The following FRMD4A variants were observed in gnomAD, a reference collection of about 807,000 sequenced individuals.
The protein encoded by FRMD4A is FERM domain containing 4A.
A neutral mutation model predicts 129.1 loss-of-function variants in FRMD4A; 29 were observed. That is an observed-to-expected ratio of 0.22 (90% CI 0.17 to 0.31). FRMD4A has a LOEUF of 0.31. Ranked by LOEUF, FRMD4A falls within the 10% of genes least tolerant of loss-of-function variation. The pLI is 1.00. For synonymous variants in FRMD4A, 634 were observed against 571.6 expected (o/e 1.11, Z -1.56); for missense variants, 1,272 against 1,375.8 (o/e 0.92, Z 1.19).
At chr10:13,674,327 A>G (rs551172562) in intron 16 of FRMD4A, among the ~76,000 whole-genome samples, 10 of 152,246 alleles carry the variant, frequency 6.6e-5, no homozygotes, top group African/African-American at 2.2e-4. Flanking sequence ...ATGAGGCACT[A>G]TCACGTGAGG....
At chr10:13,683,712 G>GTTT (rs5783340) in intron 15 of FRMD4A, among the ~76,000 whole-genome samples, 3 of 147,802 alleles carry the variant, frequency 2.0e-5, no homozygotes, top group Non-Finnish European at 1.5e-5. Context: ...GTCACATCCA[G>GTTT]TTTTTTTTTT....
intron 20 of FRMD4A, 58 bp downstream of exon 20, chr10:13,660,258 T>A: frequency 1.8e-6 from 2 of 1,115,466 alleles, no homozygotes; most frequent in Non-Finnish European, 2.7e-6. Context: ...GACGGCCCTT[T>A]GATTCTTCCA....
chr10:14,189,115 C>A (rs1200277698), intron 2 of FRMD4A, among the ~76,000 whole-genome samples: 1 of 152,152 alleles, frequency 6.6e-6, no homozygotes, highest in Non-Finnish European at 1.5e-5. Flanking sequence ...GTATGGTGTC[C>A]TATAGACAGT....
chr10:14,043,924 T>C (rs2131677638), intron 2 of FRMD4A, among the ~76,000 whole-genome samples: 1 of 152,314 alleles, frequency 6.6e-6, no homozygotes, highest in East Asian at 1.9e-4. Context: ...ACTGTGGGAC[T>C]CAAGCATTCT....
intron 2 of FRMD4A, among the ~76,000 whole-genome samples, chr10:13,898,416 A>C (rs2094782461): frequency 6.6e-6 from 1 of 152,170 alleles, no homozygotes; most frequent in Non-Finnish European, 1.5e-5. Flanking sequence ...CCCTGTTTAG[A>C]GGTCCAAGGT....
intron 2 of FRMD4A, among the ~76,000 whole-genome samples, chr10:13,876,302 A>G (rs1226998413): frequency 6.6e-6 from 1 of 152,226 alleles, no homozygotes; most frequent in Admixed American, 6.5e-5. Context: ...TTGGTACAAT[A>G]TTACATGTGG....
chr10:13,963,917 C>T (rs556637771), intron 2 of FRMD4A, among the ~76,000 whole-genome samples: 1 of 152,244 alleles, frequency 6.6e-6, no homozygotes, highest in Admixed American at 6.5e-5. Context: ...ATTCCTAACA[C>T]ATGGATGTTC....
chr10:13,760,068 CA>C (rs2092010539), intron 8 of FRMD4A, among the ~76,000 whole-genome samples: 1 of 152,018 alleles, frequency 6.6e-6, no homozygotes, highest in South Asian at 2.1e-4. Flanking sequence ...TTTTGTGATA[CA>C]TGAACATTTA....
At chr10:13,984,460 A>G (rs2095573986) in intron 2 of FRMD4A, among the ~76,000 whole-genome samples, 1 of 152,224 alleles carries the variant, frequency 6.6e-6, no homozygotes, top group Non-Finnish European at 1.5e-5. Context: ...GTATATTCAC[A>G]GCGTTGTGCA....
intron 2 of FRMD4A, among the ~76,000 whole-genome samples, chr10:14,260,465 G>C (rs1170236212): frequency 6.6e-6 from 1 of 152,168 alleles, no homozygotes; most frequent in Non-Finnish European, 1.5e-5. Flanking sequence ...CGGGCTCAGG[G>C]TTCACACACA....
intron 2 of FRMD4A, among the ~76,000 whole-genome samples, chr10:13,884,754 T>G (rs2094598496): frequency 6.6e-6 from 1 of 152,230 alleles, no homozygotes; most frequent in Non-Finnish European, 1.5e-5. Flanking sequence ...TCCTGCCACC[T>G]GCCATCTTCA....
chr10:13,972,187 G>A, intron 2 of FRMD4A: 5 of 1,021,642 alleles, frequency 4.9e-6, no homozygotes, highest in Non-Finnish European at 4.7e-6. Flanking sequence ...CTCAGACCCA[G>A]AAGCACCACC....
chr10:13,798,345 G>A (rs2093169420), intron 4 of FRMD4A, among the ~76,000 whole-genome samples: 2 of 152,208 alleles, frequency 1.3e-5, no homozygotes, highest in South Asian at 2.1e-4. Flanking sequence ...CCGGGAGATG[G>A]AGGTTGCAGT....
chr10:14,174,850 G>C (rs1841647992), intron 2 of FRMD4A, among the ~76,000 whole-genome samples: 1 of 150,136 alleles, frequency 6.7e-6, no homozygotes, highest in African/African-American at 2.5e-5. Context: ...CTGAATAGTT[G>C]AGTATTAAAA....
At chr10:14,053,097 C>T (rs527820406) in intron 2 of FRMD4A, among the ~76,000 whole-genome samples, 26 of 152,324 alleles carry the variant, frequency 1.7e-4, no homozygotes, top group African/African-American at 4.6e-4. Flanking sequence ...TCCCAGACTA[C>T]GTGAGCAAAC....
intron 3 of FRMD4A, among the ~76,000 whole-genome samples, chr10:13,841,221 T>C (rs1237697768): frequency 6.6e-6 from 1 of 152,112 alleles, no homozygotes; most frequent in Non-Finnish European, 1.5e-5. Flanking sequence ...CAGGCCAAGG[T>C]TTAAGATTCT....
chr10:13,947,800 T>G (rs1588482725), intron 2 of FRMD4A, among the ~76,000 whole-genome samples: 1 of 152,190 alleles, frequency 6.6e-6, no homozygotes, highest in Non-Finnish European at 1.5e-5. Flanking sequence ...CATTGGATGG[T>G]TATTCTCCAT....
At chr10:14,205,460 T>C (rs1260427301) in intron 2 of FRMD4A, among the ~76,000 whole-genome samples, 1 of 152,148 alleles carries the variant, frequency 6.6e-6, no homozygotes, top group Admixed American at 6.5e-5. Flanking sequence ...TCTTCTGATA[T>C]TACTGTGAAA....
chr10:13,759,747 C>T (rs900974753), intron 8 of FRMD4A, among the ~76,000 whole-genome samples: 3 of 152,096 alleles, frequency 2.0e-5, no homozygotes, highest in South Asian at 2.1e-4. Context: ...TTAGCAAATT[C>T]GGTAAATGGT....
Sources: gnomAD v4.1 joint callset for allele counts (sites outside exome capture counted in the v4.1 genomes callset) on GRCh38, gnomAD v4.1.1 for gene constraint, MANE v1.5 for transcripts, NCBI Gene and HGNC (gene_info 2026-07-23, HGNC 2026-07-21) for gene names.